PATJ: variants seen among roughly 807,000 people sequenced by gnomAD.
PATJ encodes the protein PATJ crumbs cell polarity complex component.
A neutral mutation model predicts 224.9 loss-of-function variants in PATJ; 190 were observed. The observed-to-expected ratio is 0.84, with a 90% CI of 0.75 to 0.95. The LOEUF (loss-of-function observed/expected upper bound fraction) is 0.95. Among genes scored for constraint, PATJ ranks in the 40% least tolerant of loss-of-function variants. The probability of loss-of-function intolerance (pLI) is 0.00; values close to 1 mark genes in which losing one functional copy is unlikely to be tolerated. For missense variants in PATJ, 2,121 were observed against 2,270.3 expected (o/e 0.93, Z 1.34); for synonymous variants, 769 against 820.3 (o/e 0.94, Z 1.07).
intron 1 of PATJ, among the ~76,000 whole-genome samples, chr1:61,745,537 G>A (rs1644977634): frequency 6.6e-6 from 1 of 151,808 alleles, no homozygotes; most frequent in African/African-American, 2.4e-5. Context: ...GCCTCCCAAA[G>A]TGCTGGGATT....
rs187034906 is a variant in PATJ, at chr1:61,994,497, G to C, written c.3867+4133G>C. Among the ~76,000 whole-genome samples, 37 of 151,558 alleles carry C rather than the reference G, an allele frequency of 2.4e-4. 1 individual carries two copies. The highest frequency in any genetic ancestry group is 8.7e-4 in the African/African-American group (36 of 41,334). On this transcript the variant is annotated intron_variant, in intron 28 of 43. Coordinates refer to ENST00000642238, the MANE Select transcript of PATJ (RefSeq NM_001350145.3). ...TAGGGAAGTCATCTTTTTATTCCTTGATGGCTCTATGCAACATCCTGAAGA... is the reference window on the plus strand; with the variant it reads ...TAGGGAAGTCATCTTTTTATTCCTTCATGGCTCTATGCAACATCCTGAAGA...
At chr1:61,773,183 G>A (rs914348282) in intron 6 of PATJ, among the ~76,000 whole-genome samples, 3 of 151,824 alleles carry the variant, frequency 2.0e-5, no homozygotes, top group Non-Finnish European at 4.4e-5. Flanking sequence ...CAACACACCC[G>A]GCTAATTTTT....
At chr1:61,845,475 G>A (rs1321805363) in intron 17 of PATJ, among the ~76,000 whole-genome samples, 1 of 152,086 alleles carries the variant, frequency 6.6e-6, no homozygotes, top group Non-Finnish European at 1.5e-5. Context: ...GATTATTCTT[G>A]AAGCCTTATG....
At chr1:61,781,134 A>AT (rs1647253306) in intron 7 of PATJ, among the ~76,000 whole-genome samples, 1 of 152,188 alleles carries the variant, frequency 6.6e-6, no homozygotes, top group Non-Finnish European at 1.5e-5. Flanking sequence ...TTGAGCCCGT[A>AT]CCTGTTTGAT....
At chr1:61,874,589 A>G (rs1383387785) in intron 20 of PATJ, among the ~76,000 whole-genome samples, 3 of 152,208 alleles carry the variant, frequency 2.0e-5, no homozygotes, top group African/African-American at 7.2e-5. Context: ...CCACTTCTAA[A>G]TATCTTCACC....
At chr1:61,809,603 T>G (rs1220596937) in intron 14 of PATJ, among the ~76,000 whole-genome samples, 1 of 151,948 alleles carries the variant, frequency 6.6e-6, no homozygotes, top group Non-Finnish European at 1.5e-5. Flanking sequence ...GTCACGCTGG[T>G]CTCCAACTCC....
intron 28 of PATJ, among the ~76,000 whole-genome samples, chr1:62,004,558 G>A (rs1047849280): frequency 2.0e-5 from 3 of 151,974 alleles, no homozygotes; most frequent in Admixed American, 6.6e-5. Flanking sequence ...AGATATTTTG[G>A]CTATAAGTTC....
At chr1:61,971,952 G>A (rs1396546178) in intron 27 of PATJ, among the ~76,000 whole-genome samples, 2 of 150,714 alleles carry the variant, frequency 1.3e-5, no homozygotes, top group African/African-American at 2.5e-5. Context: ...CCATACCACT[G>A]CACTCCAACA....
chr1:62,114,957 A>G (rs1664292356), intron 35 of PATJ: 1 of 152,150 alleles, frequency 6.6e-6, no homozygotes, highest in African/African-American at 2.4e-5. Context: ...CCCCAAAGTA[A>G]TAGTTTGCAC....
intron 28 of PATJ, chr1:62,013,616 A>C (rs1399716883): frequency 3.5e-6 from 2 of 563,566 alleles, no homozygotes; most frequent in Admixed American, 6.3e-5. Flanking sequence ...CAAGAAGAGA[A>C]ATTTTTTTAA....
Position 61,810,070 on chromosome 1 carries a change from G to A in PATJ, c.1683+1540G>A, listed in dbSNP as rs368798056. ...TCACCATGTTGGTCAGGCTGGTCTC[G>A]AACTCCTGACCTCAGGTGATCCACC... On this transcript the variant is annotated intron_variant, in intron 14 of 43. Coordinates refer to ENST00000642238, the MANE Select transcript of PATJ (RefSeq NM_001350145.3). 1.8e-3 allele frequency among the ~76,000 whole-genome samples: 266 copies of A among 150,350 alleles called. 1 individual carries two copies. The highest frequency in any genetic ancestry group is 1.1e-3 in the Non-Finnish European group (77 of 67,360).
intron 41 of PATJ, among the ~76,000 whole-genome samples, chr1:62,134,639 C>T (rs904505067): frequency 6.6e-6 from 1 of 152,150 alleles, no homozygotes; most frequent in African/African-American, 2.4e-5. Flanking sequence ...GCCACCACGC[C>T]CGGCCTCTTT....
At chr1:61,991,596 A>G (rs1390072061) in intron 28 of PATJ, 2 of 985,364 alleles carry the variant, frequency 2.0e-6, no homozygotes, top group Non-Finnish European at 2.4e-6. Flanking sequence ...TCTTTCTTCC[A>G]AACCTTGGTT....
intron 17 of PATJ, among the ~76,000 whole-genome samples, chr1:61,838,394 G>A (rs559089553): frequency 1.8e-4 from 27 of 150,780 alleles, no homozygotes; most frequent in Non-Finnish European, 3.4e-4. Context: ...TTGCTCAGTC[G>A]CCCAGGCTGG....
At chr1:62,157,847 A>G (rs949291993) in intron 43 of PATJ, among the ~76,000 whole-genome samples, 1 of 133,954 alleles carries the variant, frequency 7.5e-6, no homozygotes, top group Non-Finnish European at 1.6e-5. Flanking sequence ...AAAAAAAAAA[A>G]AAAAAAAATA....
chr1:61,973,840 T>A (rs1048840415), intron 27 of PATJ, among the ~76,000 whole-genome samples: 1 of 152,046 alleles, frequency 6.6e-6, no homozygotes, highest in Non-Finnish European at 1.5e-5. Context: ...GTTTACTGTT[T>A]TAAGACTGAG....
intron 15 of PATJ, among the ~76,000 whole-genome samples, chr1:61,824,741 A>C (rs1657934306): frequency 6.6e-6 from 1 of 152,050 alleles, no homozygotes; most frequent in Admixed American, 6.6e-5. Flanking sequence ...AACCATTTTT[A>C]AGTGTGAAAT....
intron 27 of PATJ, among the ~76,000 whole-genome samples, chr1:61,947,110 C>T (rs1464683733): frequency 2.0e-5 from 3 of 152,274 alleles, no homozygotes; most frequent in Non-Finnish European, 2.9e-5. Context: ...CAGCCAACAT[C>T]GTACTGAATG....
intron 27 of PATJ, among the ~76,000 whole-genome samples, chr1:61,981,212 T>C (rs1644431659): frequency 6.6e-6 from 1 of 151,964 alleles, no homozygotes; most frequent in South Asian, 2.1e-4. Context: ...ATGTTTTTCC[T>C]GGAAAGAAAT....
Sources: allele counts gnomAD v4.1 joint callset (sites outside exome capture counted in the v4.1 genomes callset), GRCh38; gene constraint gnomAD v4.1.1; transcripts MANE v1.5; gene names NCBI Gene and HGNC (gene_info 2026-07-23, HGNC 2026-07-21).